TMEM132D: variants seen among roughly 807,000 people sequenced by gnomAD.
TMEM132D encodes transmembrane protein 132D.
A neutral mutation model predicts 62.3 loss-of-function variants in TMEM132D; 21 were observed. The ratio of observed to expected loss-of-function variants is 0.34; its 90% CI spans 0.24 to 0.49. TMEM132D has a LOEUF of 0.49. TMEM132D is among the 20% of genes least tolerant of loss of function. TMEM132D has a pLI of 0.99. For missense variants in TMEM132D, 1,346 were observed against 1,402.8 expected (o/e 0.96, Z 0.65); for synonymous variants, 621 against 575.6 (o/e 1.08, Z -1.13).
intron 3 of TMEM132D, among the ~76,000 whole-genome samples, chr12:129,442,257 TCAGAG>T (rs1429985721): frequency 6.6e-6 from 1 of 152,216 alleles, no homozygotes; most frequent in Admixed American, 6.5e-5. Context: ...TCTGTTAGAT[TCAGAG>T]CAGAGAAGGG....
At chr12:129,495,007 G>T (rs1326276380) in intron 3 of TMEM132D, among the ~76,000 whole-genome samples, 1 of 152,186 alleles carries the variant, frequency 6.6e-6, no homozygotes, top group Non-Finnish European at 1.5e-5. Context: ...GGTGTTGAGG[G>T]AAGCCCGGTG....
chr12:129,542,434 AG>A (rs1348970430), intron 2 of TMEM132D, among the ~76,000 whole-genome samples: 1 of 151,630 alleles, frequency 6.6e-6, no homozygotes, highest in African/African-American at 2.4e-5. Flanking sequence ...GTAAATTCTC[AG>A]GGATGTCTTT....
At chr12:129,577,738 A>G (rs920741521) in intron 2 of TMEM132D, among the ~76,000 whole-genome samples, 2 of 152,120 alleles carry the variant, frequency 1.3e-5, no homozygotes, top group Non-Finnish European at 2.9e-5. Flanking sequence ...CACTATGTTT[A>G]TTTTTAAAAA....
intron 2 of TMEM132D, among the ~76,000 whole-genome samples, chr12:129,585,757 C>T (rs1878007789): frequency 6.6e-6 from 1 of 151,688 alleles, no homozygotes; most frequent in Non-Finnish European, 1.5e-5. Flanking sequence ...GATATTTCCT[C>T]AAAATGAAAG....
intron 4 of TMEM132D, among the ~76,000 whole-genome samples, chr12:129,314,382 C>T (rs1279365497): frequency 6.6e-6 from 1 of 152,182 alleles, no homozygotes; most frequent in African/African-American, 2.4e-5. Context: ...GTCCTTTCCC[C>T]ACTTTATGTT....
intron 1 of TMEM132D, among the ~76,000 whole-genome samples, chr12:129,875,505 G>A (rs1263476546): frequency 2.0e-5 from 3 of 152,300 alleles, no homozygotes; most frequent in African/African-American, 7.2e-5. Context: ...ACCAAGTCAT[G>A]GAACTGGTGC....
intron 4 of TMEM132D, among the ~76,000 whole-genome samples, chr12:129,259,807 G>A (rs1303360597): frequency 6.6e-6 from 1 of 152,158 alleles, no homozygotes; most frequent in East Asian, 1.9e-4. Flanking sequence ...AAGCTAATGT[G>A]ACATTTGTGT....
intron 3 of TMEM132D, among the ~76,000 whole-genome samples, chr12:129,507,651 A>G (rs1875376879): frequency 6.6e-6 from 1 of 152,208 alleles, no homozygotes; most frequent in South Asian, 2.1e-4. Context: ...AACAGGAGCT[A>G]AGCTACTAGG....
chr12:129,707,166 TA>T (rs1881525386), intron 1 of TMEM132D, among the ~76,000 whole-genome samples: 1 of 147,976 alleles, frequency 6.8e-6, no homozygotes, highest in African/African-American at 2.5e-5. Flanking sequence ...TATATATATA[TA>T]ATATATACTA....
intron 5 of TMEM132D, among the ~76,000 whole-genome samples, chr12:129,092,861 G>A (rs1221830504): frequency 2.6e-5 from 4 of 152,124 alleles, no homozygotes; most frequent in Non-Finnish European, 5.9e-5. Flanking sequence ...TGCCAGATAA[G>A]AACATTGAAG....
chr12:129,903,206 ACACT>A lies in TMEM132D; in HGVS notation c.79+51_79+54del. 1.3e-6 allele frequency: 2 copies of A among 1,533,650 alleles called. No homozygotes were observed. The highest frequency in any genetic ancestry group is 1.2e-5 in the South Asian group (1 of 83,664). On this transcript the variant is annotated intron_variant, in intron 1 of 8. Transcript: ENST00000422113. The surrounding 1 kb of genome is among the most constrained non-coding windows in gnomAD (Gnocchi z 6.2). ...GCCCCCATCCTCCACACACTCCCAC[ACACT>A]CACTCCAGGCGAAGTTAGTCCCCGG...
intron 3 of TMEM132D, among the ~76,000 whole-genome samples, chr12:129,442,406 A>G (rs1489329577): frequency 6.6e-6 from 1 of 152,216 alleles, no homozygotes; most frequent in Non-Finnish European, 1.5e-5. Context: ...CCTGGACTTA[A>G]GAGTCCCAAG....
chr12:129,293,249 G>C (rs908999781), intron 4 of TMEM132D, among the ~76,000 whole-genome samples: 1 of 152,318 alleles, frequency 6.6e-6, no homozygotes, highest in South Asian at 2.1e-4. Flanking sequence ...TGTAGGTGGG[G>C]TGAAAGAGGT....
chr12:129,154,646 T>C (rs559794843), intron 5 of TMEM132D, among the ~76,000 whole-genome samples: 13 of 152,368 alleles, frequency 8.5e-5, no homozygotes, highest in African/African-American at 3.1e-4. Context: ...TTGTTCCCTG[T>C]GATATCTATA....
intron 3 of TMEM132D, among the ~76,000 whole-genome samples, chr12:129,482,985 GT>G (rs1874475916): frequency 2.7e-5 from 4 of 147,578 alleles, no homozygotes; most frequent in Admixed American, 6.8e-5. Flanking sequence ...GTGTGTGTGT[GT>G]GTGTGGAAGA....
At position 129,700,403 on chromosome 12, in the gene TMEM132D, A is replaced by T. The variant is rs2137227156; in HGVS notation, c.375T>A (p.Leu125=). ...GGATGTGGGCTTTTAGTTTCCAGTT[A>T]AGAGAAAATTTGTTGGTGAATCCAA... The part of the protein sequence containing the change: ...NPFGFTNKFS[L]NWKLKAHILR... Residue 125 remains leucine, a synonymous_variant, in exon 2 of 9, where the codon CTT becomes CTA. Coordinates refer to ENST00000422113, the MANE Select transcript of TMEM132D (RefSeq NM_133448.3). The T allele has an allele frequency of 6.2e-7, 1 of 1,614,126 alleles. No individual in the cohort carries two copies. The highest frequency in any genetic ancestry group is 1.1e-5 in the South Asian group (1 of 91,074).
At chr12:129,782,082 T>G (rs1316532064) in intron 1 of TMEM132D, among the ~76,000 whole-genome samples, 2 of 152,202 alleles carry the variant, frequency 1.3e-5, no homozygotes, top group African/African-American at 2.4e-5. Flanking sequence ...ACATATAGCA[T>G]AGTACAGGCT....
intron 5 of TMEM132D, among the ~76,000 whole-genome samples, chr12:129,132,617 ACTGGC>A (rs1876413156): frequency 6.6e-6 from 1 of 152,226 alleles, no homozygotes; most frequent in East Asian, 1.9e-4. Flanking sequence ...CACCCTGGCA[ACTGGC>A]CTTTTACTCT....
intron 5 of TMEM132D, among the ~76,000 whole-genome samples, chr12:129,147,271 T>C (rs1438831960): frequency 6.7e-6 from 1 of 150,162 alleles, no homozygotes; most frequent in Non-Finnish European, 1.5e-5. Flanking sequence ...TATGTGCATA[T>C]GTATATATAT....
Sources: gnomAD v4.1 joint callset for allele counts (sites outside exome capture counted in the v4.1 genomes callset) on GRCh38, gnomAD v4.1.1 for gene constraint, Gnocchi (gnomAD v3.1) non-coding constraint, MANE v1.5 for transcripts, NCBI Gene and HGNC (gene_info 2026-07-23, HGNC 2026-07-21) for gene names.